PALS1: variants seen among roughly 807,000 people sequenced by gnomAD.
PALS1 encodes the protein protein associated with LIN7 1, MAGUK p55 family member.
A neutral mutation model predicts 78.9 loss-of-function variants in PALS1; 31 were observed. The ratio of observed to expected loss-of-function variants is 0.39; its 90% CI spans 0.30 to 0.53. The LOEUF (loss-of-function observed/expected upper bound fraction) is 0.53, where lower values mean the gene tolerates loss of function less well. Ranked by LOEUF, PALS1 falls within the 20% of genes least tolerant of loss-of-function variation. The pLI is 0.67. For synonymous variants in PALS1, 276 were observed against 270.9 expected (o/e 1.02, Z -0.18); for missense variants, 704 against 826.5 (o/e 0.85, Z 1.82).
At chr14:67,257,251 G>A (rs2084159258) in intron 1 of PALS1, among the ~76,000 whole-genome samples, 1 of 152,176 alleles carries the variant, frequency 6.6e-6, no homozygotes, top group Non-Finnish European at 1.5e-5. Context: ...GGCAGAGGAA[G>A]CAATCAGATA....
intron 9 of PALS1, among the ~76,000 whole-genome samples, chr14:67,314,294 C>T (rs1041281266): frequency 1.3e-5 from 2 of 152,164 alleles, no homozygotes; most frequent in Non-Finnish European, 2.9e-5. Flanking sequence ...TATAAGGAAT[C>T]TCTTTTATCT....
intron 8 of PALS1, among the ~76,000 whole-genome samples, chr14:67,308,234 T>TA (rs11442716): frequency 0.086 from 12,005 of 138,814 alleles, 1,170 homozygotes; most frequent in African/African-American, 0.24. Flanking sequence ...CTTAACAGTT[T>TA]AAAAAAAAAA....
In PALS1 at chr14:67,303,519, C is replaced by A; in HGVS notation, c.964-3C>A. The A allele has an allele frequency of 6.2e-7, 1 of 1,607,876 alleles. No individual in the cohort carries two copies. The highest frequency in any genetic ancestry group is 8.5e-7 in the Non-Finnish European group (1 of 1,174,348). On this transcript the variant is annotated splice_polypyrimidine_tract_variant and splice_region_variant and intron_variant, in intron 7 of 14. Coordinates refer to ENST00000261681, the MANE Select transcript of PALS1 (RefSeq NM_022474.4). Reference sequence around the variant, plus strand: ...AAAAAATAACCTGATCTTTCTATTACAGTCTGATATGCATGGTACTTTGAC... The same window carrying A: ...AAAAAATAACCTGATCTTTCTATTAAAGTCTGATATGCATGGTACTTTGAC...
chr14:67,251,174 C>T (rs1367590333), intron 1 of PALS1, among the ~76,000 whole-genome samples: 1 of 152,200 alleles, frequency 6.6e-6, no homozygotes, highest in African/African-American at 2.4e-5. Flanking sequence ...CTTATTTTAA[C>T]ATTGTCTTTT....
At chr14:67,328,312 C>G (rs981922740) in intron 14 of PALS1, among the ~76,000 whole-genome samples, 1 of 152,148 alleles carries the variant, frequency 6.6e-6, no homozygotes, top group Non-Finnish European at 1.5e-5. Flanking sequence ...ATCCTTTGCC[C>G]ACTTTTTGAT....
chr14:67,274,400 T>C (rs8016480), intron 2 of PALS1, among the ~76,000 whole-genome samples: 12,083 of 152,224 alleles, frequency 0.079, 1,137 homozygotes, highest in African/African-American at 0.23. Flanking sequence ...CATTTTTGTT[T>C]TTGTCAGGTT....
intron 1 of PALS1, among the ~76,000 whole-genome samples, chr14:67,256,375 A>G (rs761177559): frequency 6.6e-6 from 1 of 152,206 alleles, no homozygotes; most frequent in African/African-American, 2.4e-5. Context: ...AATAAAAAGT[A>G]GAAAGATCAG....
chr14:67,323,903 G>C, intron 14 of PALS1, 91 bp downstream of exon 14: 2 of 680,530 alleles, frequency 2.9e-6, no homozygotes, highest in Non-Finnish European at 5.0e-6. Flanking sequence ...AGCTACATTA[G>C]CTTGAGCTTT....
chr14:67,283,006 G>A (rs1323353239), intron 3 of PALS1, among the ~76,000 whole-genome samples: 1 of 152,062 alleles, frequency 6.6e-6, no homozygotes, highest in Non-Finnish European at 1.5e-5. Context: ...TATCATATAT[G>A]TGACTATAAA....
chr14:67,333,568 A>T lies in PALS1; in HGVS notation c.*612A>T, dbSNP rs1459370637. 1 of 152,680 alleles carries T rather than the reference A, an allele frequency of 6.5e-6. No homozygotes were observed. The highest frequency in any genetic ancestry group is 6.5e-5 in the Admixed American group (1 of 15,284). 9.5% of individuals were successfully genotyped at this position (152,680 alleles called of 1,614,324 possible). On this transcript the variant is annotated 3_prime_UTR_variant, in exon 15 of 15. Coordinates refer to ENST00000261681, the MANE Select transcript of PALS1 (RefSeq NM_022474.4). The stretch of plus-strand genomic sequence containing the variant: ...TTTGATTCTTAAAAAAACAAAAAAC[A>T]TTCCATTAGAAGCACCAGTTTTTTT...
At chr14:67,273,793 G>A (rs901153700) in intron 2 of PALS1, among the ~76,000 whole-genome samples, 3 of 152,140 alleles carry the variant, frequency 2.0e-5, no homozygotes, top group Admixed American at 6.5e-5. Context: ...TGTTGTTTCC[G>A]ACTTTTTAAT....
chr14:67,288,320 G>A (rs1407086378), intron 3 of PALS1, among the ~76,000 whole-genome samples: 2 of 152,094 alleles, frequency 1.3e-5, no homozygotes, highest in African/African-American at 4.8e-5. Context: ...GACCTCAGGT[G>A]ATCTGCCCTC....
intron 3 of PALS1, among the ~76,000 whole-genome samples, chr14:67,291,616 T>G (rs2084775551): frequency 6.6e-6 from 1 of 152,166 alleles, no homozygotes; most frequent in Non-Finnish European, 1.5e-5. Flanking sequence ...AGAATAACGT[T>G]TTCCAGAAAA....
rs547457634 is a variant in PALS1, at chr14:67,301,618, A to T, written c.654+152A>T. Reference sequence around the variant, plus strand: ...TCTATAACATAGTAGTTATTGTTGGATTATATATTTTCAGATTTAAAATGA... The same window carrying T: ...TCTATAACATAGTAGTTATTGTTGGTTTATATATTTTCAGATTTAAAATGA... On this transcript the variant is annotated intron_variant, in intron 5 of 14. Transcript: ENST00000261681. 9 of 505,210 alleles carry T rather than the reference A, an allele frequency of 1.8e-5. No individual in the cohort carries two copies. The East Asian group carries it at 2.3e-4, about 13-fold the overall frequency. 31.3% of individuals were successfully genotyped at this position (505,210 alleles called of 1,614,324 possible).
intron 1 of PALS1, among the ~76,000 whole-genome samples, chr14:67,247,654 G>A (rs979972533): frequency 2.4e-4 from 36 of 151,944 alleles, no homozygotes; most frequent in African/African-American, 7.3e-4. Flanking sequence ...CACTGCTCAC[G>A]GCAGCCTCGA....
At chr14:67,292,358 A>C (rs1403535986) in intron 3 of PALS1, among the ~76,000 whole-genome samples, 153 bp from the exon 4 acceptor site, 1 of 152,224 alleles carries the variant, frequency 6.6e-6, no homozygotes, top group Non-Finnish European at 1.5e-5. Flanking sequence ...CTTAAAACCT[A>C]TGAAATGACC....
At chr14:67,298,496 CAA>C (rs1595596125) in intron 4 of PALS1, among the ~76,000 whole-genome samples, 1 of 139,186 alleles carries the variant, frequency 7.2e-6, no homozygotes, top group Non-Finnish European at 1.5e-5. Context: ...GCCTGGGCGA[CAA>C]GAGTGAAACT....
At position 67,316,846 on chromosome 14, in the gene PALS1, C is replaced by G; in HGVS notation, c.1240C>G (p.Gln414Glu). Residue 414 changes from glutamine to glutamate, a missense_variant, in exon 10 of 15, where the codon CAG (glutamine) becomes GAG (glutamate). Gln to Glu is a conservative substitution (Grantham distance 29). Transcript: ENST00000261681. Reference protein sequence around the residue: ...AGLVPGKSFQQQREAMKQTIE... With the variant: ...AGLVPGKSFQEQREAMKQTIE... Reference sequence around the variant, plus strand: ...CTGCTATTAAGGGAAAAGCTTTCAGCAGCAAAGGGAAGCCATGAAACAAAC... The same window carrying G: ...CTGCTATTAAGGGAAAAGCTTTCAGGAGCAAAGGGAAGCCATGAAACAAAC... The G allele has an allele frequency of 6.2e-7, 1 of 1,611,242 alleles. No individual in the cohort carries two copies. Among genetic ancestry groups the G allele is most frequent in the Non-Finnish European group, 8.5e-7 (1 of 1,178,586 alleles).
intron 2 of PALS1, among the ~76,000 whole-genome samples, chr14:67,276,564 C>G (rs150636892): frequency 9.6e-4 from 146 of 152,264 alleles, no homozygotes; most frequent in African/African-American, 3.3e-3. Context: ...ATGTATTAGG[C>G]TAAGCACTGG....
Sources: gnomAD v4.1 joint callset for allele counts (sites outside exome capture counted in the v4.1 genomes callset) on GRCh38, gnomAD v4.1.1 for gene constraint, MANE v1.5 for transcripts, NCBI Gene and HGNC (gene_info 2026-07-23, HGNC 2026-07-21) for gene names.